PDZD2: variants seen among roughly 807,000 people sequenced by gnomAD.
PDZD2 encodes PDZ domain containing 2.
PDZD2 carries 90 observed loss-of-function variants against 220.7 expected under a neutral mutation model. The ratio of observed to expected loss-of-function variants is 0.41; its 90% CI spans 0.34 to 0.49. The LOEUF (loss-of-function observed/expected upper bound fraction) is 0.49. PDZD2 is among the 20% of genes least tolerant of loss of function. PDZD2 has a pLI of 0.28. For synonymous variants in PDZD2, 1,375 were observed against 1,450.5 expected, an observed-to-expected ratio of 0.95 and a Z score of 1.18; for missense variants, 3,174 against 3,608.5, an observed-to-expected ratio of 0.88 and a Z score of 3.08.
At chr5:31,784,004 C>T (rs940576979) in intron 1 of PDZD2, among the ~76,000 whole-genome samples, 5 of 152,134 alleles carry the variant, frequency 3.3e-5, no homozygotes, top group African/African-American at 1.2e-4. Flanking sequence ...GGCACTGGGA[C>T]GCTGCCACAG....
chr5:31,724,401 G>A (rs1290594229), intron 1 of PDZD2, among the ~76,000 whole-genome samples: 1 of 152,024 alleles, frequency 6.6e-6, no homozygotes, highest in South Asian at 2.1e-4. Flanking sequence ...TTGGGAATTC[G>A]AGACCAGCTG....
intron 2 of PDZD2, among the ~76,000 whole-genome samples, chr5:31,946,734 C>T (rs1258185044): frequency 6.6e-6 from 1 of 152,120 alleles, no homozygotes; most frequent in East Asian, 1.9e-4. Flanking sequence ...CTCTGTTGCC[C>T]AGGTTGGAGT....
At chr5:32,054,489 AATTTTTGTAT>A (rs1342133576) in intron 10 of PDZD2, among the ~76,000 whole-genome samples, 90 of 151,338 alleles carry the variant, frequency 5.9e-4, no homozygotes, top group African/African-American at 2.1e-3. Context: ...ATGCCTGGCT[AATTTTTGTAT>A]ATTTTTGTAG....
At chr5:31,950,607 A>C (rs1747098892) in intron 2 of PDZD2, among the ~76,000 whole-genome samples, 3 of 152,204 alleles carry the variant, frequency 2.0e-5, no homozygotes. Flanking sequence ...TTACATTCAC[A>C]GTACAAAATT....
chr5:31,651,104 T>G (rs1197572135), intron 1 of PDZD2, among the ~76,000 whole-genome samples: 1 of 146,658 alleles, frequency 6.8e-6, no homozygotes, highest in Non-Finnish European at 1.5e-5. Flanking sequence ...AACTTCTATC[T>G]TGAGAATTAC....
chr5:31,673,335 G>A (rs947074826), intron 1 of PDZD2, among the ~76,000 whole-genome samples: 6 of 152,298 alleles, frequency 3.9e-5, no homozygotes, highest in African/African-American at 1.4e-4. Context: ...TGTTTGTATG[G>A]GGGAATGCAC....
intron 6 of PDZD2, among the ~76,000 whole-genome samples, chr5:32,026,056 A>AT (rs1278643241): frequency 2.0e-5 from 3 of 151,778 alleles, no homozygotes; most frequent in Non-Finnish European, 4.4e-5. Flanking sequence ...GCTGAATTGG[A>AT]TTTGACTCTG....
intron 2 of PDZD2, among the ~76,000 whole-genome samples, chr5:31,873,843 GC>G (rs1185523521): frequency 6.6e-6 from 1 of 151,844 alleles, no homozygotes; most frequent in Non-Finnish European, 1.5e-5. Context: ...CCATTCTCCT[GC>G]CTTAGCCTCC....
At chr5:31,880,790 T>TCTTTTTC (rs1257804460) in intron 2 of PDZD2, among the ~76,000 whole-genome samples, 1,586 of 122,690 alleles carry the variant, frequency 0.013, 134 homozygotes, top group African/African-American at 0.057. Context: ...CTTTTTTTTT[T>TCTTTTTC]CTTTTTTTTT....
chr5:32,090,491 C>G lies in PDZD2; in HGVS notation c.7043C>G (p.Ala2348Gly). ...AAGTCTTTTGAGAACCTGGCCAATGCTGACCGGCCTGTAGCCAAGTCCGGG... is the reference window on the plus strand; with the variant it reads ...AAGTCTTTTGAGAACCTGGCCAATGGTGACCGGCCTGTAGCCAAGTCCGGG... ...RIKSFENLANADRPVAKSGAS... is the reference protein window; with the variant it reads ...RIKSFENLANGDRPVAKSGAS... The change falls in exon 20 of 25, where the codon GCT (alanine) becomes GGT (glycine). Residue 2348 changes from alanine (A) to glycine (G), a missense_variant. Physicochemically the swap from Ala to Gly is moderately conservative, Grantham distance 60 (BLOSUM62 0). Transcript: ENST00000438447. This position sits in a 1 kb window ranked among gnomAD's most constrained non-coding sequence, Gnocchi z 4.3. 1.9e-6 allele frequency: 3 copies of G among 1,614,124 alleles called. No homozygotes were observed. The highest frequency in any genetic ancestry group is 2.5e-6 in the Non-Finnish European group (3 of 1,180,028).
intron 2 of PDZD2, among the ~76,000 whole-genome samples, chr5:31,886,521 G>C (rs58155303): frequency 0.016 from 2,361 of 152,116 alleles, 69 homozygotes; most frequent in African/African-American, 0.052. Flanking sequence ...GAGAACTGTG[G>C]GTTGTCAGGA....
intron 2 of PDZD2, among the ~76,000 whole-genome samples, chr5:31,856,126 A>G (rs1212311186): frequency 6.6e-6 from 1 of 152,218 alleles, no homozygotes; most frequent in African/African-American, 2.4e-5. Flanking sequence ...GCACTCTTAC[A>G]CTGTTTTGTA....
At chr5:32,046,935 C>T (rs544782828) in intron 7 of PDZD2, among the ~76,000 whole-genome samples, 30 of 152,076 alleles carry the variant, frequency 2.0e-4, no homozygotes, top group Admixed American at 1.6e-3. Flanking sequence ...CCCAGCTACT[C>T]GGGAAACTGA....
In PDZD2 at chr5:31,803,245, G is replaced by A. The variant is rs1349038456; in HGVS notation, c.476+3521G>A. Among the ~76,000 whole-genome samples, 3 of 146,246 alleles carry A rather than the reference G, an allele frequency of 2.1e-5. No homozygotes were observed. In the East Asian group the frequency reaches 6.1e-4, roughly 30 times the overall value. ...CTCTAGTAACTGTGTCTGCAGGTGT[G>A]CACCACTGCATCTGGCTTTTTTTTT... On this transcript the variant is annotated intron_variant, in intron 2 of 24. Coordinates refer to ENST00000438447, the MANE Select transcript of PDZD2 (RefSeq NM_178140.4).
chr5:31,653,845 C>T (rs578257393), intron 1 of PDZD2, among the ~76,000 whole-genome samples: 31 of 152,172 alleles, frequency 2.0e-4, no homozygotes, highest in Non-Finnish European at 3.7e-4. Context: ...AGTGCAGTGG[C>T]GCGATCTCAG....
chr5:31,952,336 C>G (rs902928144), intron 2 of PDZD2, among the ~76,000 whole-genome samples: 1 of 152,198 alleles, frequency 6.6e-6, no homozygotes, highest in Non-Finnish European at 1.5e-5. Flanking sequence ...TTTGTAATCT[C>G]TGTATCCCTT....
chr5:31,655,585 A>G (rs112452846), intron 1 of PDZD2, among the ~76,000 whole-genome samples: 2,566 of 150,736 alleles, frequency 0.017, 34 homozygotes, highest in South Asian at 0.034. Context: ...GGTGGTGTCT[A>G]TTTGGTTCAT....
chr5:31,959,606 T>C (rs1748030764), intron 2 of PDZD2, among the ~76,000 whole-genome samples: 1 of 152,056 alleles, frequency 6.6e-6, no homozygotes, highest in Non-Finnish European at 1.5e-5. Flanking sequence ...CACCTCGACC[T>C]CTCAAAGTGC....
At chr5:31,998,956 C>T (rs1751872763) in intron 4 of PDZD2, among the ~76,000 whole-genome samples, 1 of 152,218 alleles carries the variant, frequency 6.6e-6, no homozygotes, top group African/African-American at 2.4e-5. Context: ...GAGATCAGAG[C>T]ACTGGAGGCT....
Sources: allele counts gnomAD v4.1 joint callset (sites outside exome capture counted in the v4.1 genomes callset), GRCh38; gene constraint gnomAD v4.1.1; non-coding constraint Gnocchi (gnomAD v3.1); transcripts MANE v1.5; gene names NCBI Gene and HGNC (gene_info 2026-07-23, HGNC 2026-07-21).